CHST15: variants seen among roughly 807,000 people sequenced by gnomAD.
CHST15 encodes B cell RAG associated protein (GALNAC4S-6ST).
Under a neutral mutation model 53.6 loss-of-function variants are expected in CHST15, and 30 were observed. That is an observed-to-expected ratio of 0.56 (90% CI 0.42 to 0.76). The LOEUF (loss-of-function observed/expected upper bound fraction) is 0.76, where lower values mean the gene tolerates loss of function less well. CHST15 is among the 30% of genes least tolerant of loss of function. The probability of loss-of-function intolerance (pLI) is 0.00; values close to 1 mark genes in which losing one functional copy is unlikely to be tolerated. For synonymous variants in CHST15, 296 were observed against 289.8 expected, an observed-to-expected ratio of 1.02 and a Z score of -0.22; for missense variants, 627 against 740.5, an observed-to-expected ratio of 0.85 and a Z score of 1.78.
At chr10:124,056,220 C>T (rs1006594247) in intron 1 of CHST15, among the ~76,000 whole-genome samples, 1 of 152,152 alleles carries the variant, frequency 6.6e-6, no homozygotes, top group Non-Finnish European at 1.5e-5. Flanking sequence ...CCTTGGTGCC[C>T]TTCCCCCTTC....
chr10:124,057,976 C>G (rs943791970), intron 1 of CHST15, among the ~76,000 whole-genome samples: 7 of 152,168 alleles, frequency 4.6e-5, no homozygotes, highest in South Asian at 4.1e-4. Flanking sequence ...AGTTCTCCCC[C>G]CCAATGATTT....
Position 124,018,987 on chromosome 10 carries a change from C to T in CHST15, c.1347+2269G>A, listed in dbSNP as rs140300423. ...GCGAGCACGTTCCCCGATTTGTGTG[C>T]CAACCTCGGCATTTGACCCATAATA... is the stretch of plus-strand genomic sequence containing the variant. On this transcript the variant is annotated intron_variant, in intron 6 of 7. Coordinates refer to ENST00000435907, the MANE Select transcript of CHST15 (RefSeq NM_001270764.2). 6.9e-3 allele frequency among the ~76,000 whole-genome samples: 1,056 copies of T among 152,288 alleles called. 5 individuals carry two copies. The highest frequency in any genetic ancestry group is 0.01 in the Non-Finnish European group (698 of 68,026).
chr10:124,026,657 A>T (rs1947024086), intron 5 of CHST15, among the ~76,000 whole-genome samples: 1 of 152,210 alleles, frequency 6.6e-6, no homozygotes, highest in Non-Finnish European at 1.5e-5. Flanking sequence ...CCCAGGATGC[A>T]TTAACAGGGG....
At chr10:124,035,864 T>C (rs1033064685) in intron 5 of CHST15, among the ~76,000 whole-genome samples, 7 of 152,206 alleles carry the variant, frequency 4.6e-5, no homozygotes, top group African/African-American at 1.7e-4. Context: ...CCTCCTACTC[T>C]GCAGAACTGC....
intron 5 of CHST15, among the ~76,000 whole-genome samples, chr10:124,032,424 A>G (rs796741699): frequency 6.6e-6 from 1 of 152,264 alleles, no homozygotes; most frequent in African/African-American, 2.4e-5. Context: ...ATGTCCCTTG[A>G]ATAAAGGAGG....
At position 124,019,983 on chromosome 10, in the gene CHST15, C is replaced by T. The variant is rs1203251190; in HGVS notation, c.1347+1273G>A. ...CCTTCAGGCCTCAGCACAGACATTC[C>T]CTCTCCTAAGAACCTGCCTGAAGCC... On this transcript the variant is annotated intron_variant, in intron 6 of 7. Coordinates refer to ENST00000435907, the MANE Select transcript of CHST15 (RefSeq NM_001270764.2). The surrounding 1 kb of genome is among the most constrained non-coding windows in gnomAD (Gnocchi z 4.6). The T allele has an allele frequency of 3.0e-6, 3 of 985,626 alleles. No homozygotes were observed. Among genetic ancestry groups the T allele is most frequent in the African/African-American group, 1.7e-5 (1 of 57,224 alleles). 61.1% of individuals were successfully genotyped at this position (985,626 alleles called of 1,614,324 possible).
At chr10:124,029,043 G>A (rs1382316844) in intron 5 of CHST15, among the ~76,000 whole-genome samples, 1 of 152,212 alleles carries the variant, frequency 6.6e-6, no homozygotes, top group Non-Finnish European at 1.5e-5. Context: ...GCCACGTGAG[G>A]GTTGTAATGA....
rs76710382 is a variant in CHST15, at chr10:124,028,989, T to A, written c.1191-7577A>T. On this transcript the variant is annotated intron_variant, in intron 5 of 7. Transcript: ENST00000435907. ...AGGAGGACCCGAGATGGGGACACACTCATGTCCTCCAATTCACCCTCAACA... is the reference window on the plus strand; with the variant it reads ...AGGAGGACCCGAGATGGGGACACACACATGTCCTCCAATTCACCCTCAACA... Among the ~76,000 whole-genome samples the A allele has an allele frequency of 0.013, 1,901 of 150,332 alleles. 73 individuals carry two copies. The East Asian group carries it at 0.14, about 11-fold the overall frequency.
intron 1 of CHST15, among the ~76,000 whole-genome samples, chr10:124,049,379 G>A (rs536191248): frequency 5.9e-5 from 9 of 152,304 alleles, no homozygotes; most frequent in Admixed American, 3.3e-4. Context: ...ATCCTGATGC[G>A]GTGACACTTT....
intron 5 of CHST15, among the ~76,000 whole-genome samples, chr10:124,025,978 G>A (rs1946989195): frequency 6.6e-6 from 1 of 152,168 alleles, no homozygotes; most frequent in South Asian, 2.1e-4. Context: ...CTACATTTCT[G>A]TTGTTTTAAG....
At position 124,008,787 on chromosome 10, in the gene CHST15, AC is replaced by A; in HGVS notation, c.*1361del. Reference sequence around the variant, plus strand: ...TTCACAGGAAGCTTCCCTTGACAATACTTGAGTGCAAAGCTTCATCCAGGTC... The same window carrying A: ...TTCACAGGAAGCTTCCCTTGACAATATTGAGTGCAAAGCTTCATCCAGGTC... On this transcript the variant is annotated 3_prime_UTR_variant, in exon 8 of 8. Transcript: ENST00000435907. 1 of 1,178,512 alleles carries A rather than the reference AC, an allele frequency of 8.5e-7. No homozygotes were observed. The highest frequency in any genetic ancestry group is 1.6e-5 in the South Asian group (1 of 63,434). 73.0% of individuals were successfully genotyped at this position (1,178,512 alleles called of 1,614,324 possible).
chr10:124,041,088 T>C (rs888762884), intron 4 of CHST15, among the ~76,000 whole-genome samples: 6 of 152,204 alleles, frequency 3.9e-5, no homozygotes, highest in Non-Finnish European at 8.8e-5. Flanking sequence ...AGCCAAATCA[T>C]ACTGGAGGTG....
At position 124,036,398 on chromosome 10, in the gene CHST15, A is replaced by G. The variant is rs1175199167; in HGVS notation, c.1190+2117T>C. On this transcript the variant is annotated intron_variant, in intron 5 of 7. Coordinates refer to ENST00000435907, the MANE Select transcript of CHST15 (RefSeq NM_001270764.2). This position sits in a 1 kb window ranked among gnomAD's most constrained non-coding sequence, Gnocchi z 5.1. Reference sequence around the variant, plus strand: ...GGGCTGGGAGATGCAGAGAGCAGGGAGCGAAACCACACCTGGCACCTGCTA... The same window carrying G: ...GGGCTGGGAGATGCAGAGAGCAGGGGGCGAAACCACACCTGGCACCTGCTA... 1.3e-5 allele frequency among the ~76,000 whole-genome samples: 2 copies of G among 152,124 alleles called. No individual in the cohort carries two copies. The highest frequency in any genetic ancestry group is 4.8e-5 in the African/African-American group (2 of 41,428).
rs1564882166 is a variant in CHST15 at position 124,045,128 on chromosome 10, A to AAAAC, written c.547-210_547-209insGTTT. ...GCCGCCCCACAAAAAAAAAAAAAAAAAAAAAAAAAAAAAAAACTTGGAGAG... is the reference window on the plus strand; with the variant it reads ...GCCGCCCCACAAAAAAAAAAAAAAAAAAACAAAAAAAAAAAAAAAACTTGGAGAG... On this transcript the variant is annotated intron_variant, in intron 2 of 7. Coordinates refer to ENST00000435907, the MANE Select transcript of CHST15 (RefSeq NM_001270764.2). Among the ~76,000 whole-genome samples, 50 of 144,866 alleles carry AAAAC rather than the reference A, an allele frequency of 3.5e-4. 2 individuals are homozygous for AAAAC. The highest frequency in any genetic ancestry group is 1.2e-3 in the African/African-American group (45 of 38,406).
chr10:124,052,044 A>C (rs1452345982), intron 1 of CHST15, among the ~76,000 whole-genome samples: 1 of 152,216 alleles, frequency 6.6e-6, no homozygotes, highest in African/African-American at 2.4e-5. Context: ...AGAGGGAAAA[A>C]AATAGCTAAT....
At chr10:124,090,905 C>A (rs1285799555) in intron 1 of CHST15, among the ~76,000 whole-genome samples, 1 of 152,248 alleles carries the variant, frequency 6.6e-6, no homozygotes, top group African/African-American at 2.4e-5. Context: ...CTGCAATCAT[C>A]CAAAGCCCAG....
At chr10:124,081,840 C>G (rs879712926) in intron 1 of CHST15, among the ~76,000 whole-genome samples, 6 of 152,124 alleles carry the variant, frequency 3.9e-5, no homozygotes, top group Admixed American at 1.3e-4. Flanking sequence ...CCCAGCGTAC[C>G]CTTGAAAAAA....
At chr10:124,050,440 C>A (rs2134036129) in intron 1 of CHST15, among the ~76,000 whole-genome samples, 1 of 152,342 alleles carries the variant, frequency 6.6e-6, no homozygotes, top group East Asian at 1.9e-4. Flanking sequence ...TTTTGGAATT[C>A]TTTGTGCCGT....
At chr10:124,030,577 A>G (rs1187549425) in intron 5 of CHST15, among the ~76,000 whole-genome samples, 1 of 152,216 alleles carries the variant, frequency 6.6e-6, no homozygotes, top group Non-Finnish European at 1.5e-5. Flanking sequence ...TCTTCTCCAC[A>G]GAGGCGTTCT....
Sources: allele counts gnomAD v4.1 joint callset (sites outside exome capture counted in the v4.1 genomes callset), GRCh38; gene constraint gnomAD v4.1.1; non-coding constraint Gnocchi (gnomAD v3.1); transcripts MANE v1.5; gene names NCBI Gene and HGNC (gene_info 2026-07-23, HGNC 2026-07-21).